The following ARHGEF10L variants were observed in gnomAD, a reference collection of about 807,000 sequenced individuals.
ARHGEF10L encodes rho guanine nucleotide exchange factor 10-like protein.
In ARHGEF10L, 69 loss-of-function variants were observed where a neutral mutation model predicts 141.2. That is an observed-to-expected ratio of 0.49 (90% CI 0.40 to 0.60). The LOEUF is 0.60. Among genes scored for constraint, ARHGEF10L ranks in the 20% least tolerant of loss-of-function variants. The pLI, the probability that ARHGEF10L is intolerant of heterozygous loss-of-function variation, is 0.00. For synonymous variants in ARHGEF10L, 711 were observed against 718.5 expected (o/e 0.99, Z 0.17); for missense variants, 1,482 against 1,734.3 (o/e 0.85, Z 2.58).
At chr1:17,596,666 G>T (rs1426717882) in intron 4 of ARHGEF10L, among the ~76,000 whole-genome samples, 2 of 152,212 alleles carry the variant, frequency 1.3e-5, no homozygotes, top group South Asian at 2.1e-4. Flanking sequence ...ACCCTTGGAG[G>T]TTCACTGAGA....
the ARHGEF10L span, among the ~76,000 whole-genome samples, chr1:17,519,155 A>G: frequency 6.6e-6 from 1 of 152,054 alleles, no homozygotes; most frequent in Non-Finnish European, 1.5e-5. Flanking sequence ...AGCCTGGGCA[A>G]CAAGAGTGAA....
chr1:17,593,817 A>G (rs992472072), intron 4 of ARHGEF10L, among the ~76,000 whole-genome samples: 1 of 151,994 alleles, frequency 6.6e-6, no homozygotes. Context: ...ACAGCCCTGG[A>G]AAGAGGAAAT....
At chr1:17,601,177 G>C (rs1037898744) in intron 4 of ARHGEF10L, among the ~76,000 whole-genome samples, 1 of 152,072 alleles carries the variant, frequency 6.6e-6, no homozygotes, top group Non-Finnish European at 1.5e-5. Context: ...TCTGTGATTA[G>C]ACTGGGGTTA....
intron 1 of ARHGEF10L, among the ~76,000 whole-genome samples, chr1:17,567,758 A>G (rs972251648): frequency 6.6e-6 from 1 of 152,160 alleles, no homozygotes; most frequent in Non-Finnish European, 1.5e-5. Context: ...TGAAGGGTCC[A>G]TGTCTGCAGA....
At chr1:17,678,307 A>G (rs2063851776) in intron 26 of ARHGEF10L, among the ~76,000 whole-genome samples, 1 of 152,196 alleles carries the variant, frequency 6.6e-6, no homozygotes, top group African/African-American at 2.4e-5. Context: ...TGAAGAAAAC[A>G]AAAGGAAATT....
chr1:17,608,122 G>C, intron 7 of ARHGEF10L, 145 bp downstream of exon 7: 3 of 918,188 alleles, frequency 3.3e-6, no homozygotes, highest in Non-Finnish European at 4.4e-6. Context: ...GTGGTGAGAG[G>C]GGAGCCAGAA....
intron 1 of ARHGEF10L, among the ~76,000 whole-genome samples, chr1:17,565,923 G>A (rs1021062530): frequency 6.6e-6 from 1 of 152,116 alleles, no homozygotes; most frequent in East Asian, 1.9e-4. Flanking sequence ...TGCAGATACA[G>A]ACACAAGTAG....
At chr1:17,677,836 C>T (rs1459203484) in intron 26 of ARHGEF10L, among the ~76,000 whole-genome samples, 1 of 152,184 alleles carries the variant, frequency 6.6e-6, no homozygotes, top group Non-Finnish European at 1.5e-5. Context: ...TTTATTGTTT[C>T]TTGCAAATAG....
intron 27 of ARHGEF10L, among the ~76,000 whole-genome samples, chr1:17,692,333 C>T (rs896753131): frequency 6.6e-6 from 1 of 152,060 alleles, no homozygotes; most frequent in Non-Finnish European, 1.5e-5. Flanking sequence ...TTGCCAGACT[C>T]GAATCCCACC....
chr1:17,616,210 G>A lies in ARHGEF10L; in HGVS notation c.835+8G>A, dbSNP rs201664269. 17 of 1,610,424 alleles carry A rather than the reference G, an allele frequency of 1.1e-5. No homozygotes were observed. The highest frequency in any genetic ancestry group is 3.4e-4 in the Middle Eastern group (2 of 5,854). ...ACAGGAAGGACGTCCTCGGTGAGGC[G>A]CTGCCCGAGCGGGAGGGTCTGGTGC... On this transcript the variant is annotated splice_region_variant and intron_variant, in intron 9 of 28. Transcript: ENST00000361221.
the ARHGEF10L span, among the ~76,000 whole-genome samples, chr1:17,525,954 A>T: frequency 6.6e-6 from 1 of 150,804 alleles, no homozygotes; most frequent in African/African-American, 2.4e-5. Flanking sequence ...GTGAGCTGAG[A>T]TCCCACCACT....
At chr1:17,692,364 C>T (rs969378483) in intron 27 of ARHGEF10L, among the ~76,000 whole-genome samples, 5 of 152,176 alleles carry the variant, frequency 3.3e-5, no homozygotes, top group African/African-American at 4.8e-5. Flanking sequence ...TAGCTCCATT[C>T]GGGTGTGTCT....
rs779200970 is a variant in ARHGEF10L, at chr1:17,648,535, C to T, written c.2273-19C>T. On this transcript the variant is annotated intron_variant, in intron 21 of 28. Coordinates refer to ENST00000361221, the MANE Select transcript of ARHGEF10L (RefSeq NM_018125.4). ...TTGGACTCTGACCAGCTCTACCCAC[C>T]TCCTTCCTCTTGCTGTAGGGGAGGA... The T allele has an allele frequency of 6.2e-7, 1 of 1,613,258 alleles. No homozygotes were observed. Among genetic ancestry groups the T allele is most frequent in the East Asian group, 2.2e-5 (1 of 44,868 alleles).
intron 1 of ARHGEF10L, among the ~76,000 whole-genome samples, chr1:17,575,478 T>C (rs954529340): frequency 1.3e-5 from 2 of 152,242 alleles, no homozygotes; most frequent in African/African-American, 4.8e-5. Flanking sequence ...AACAGACAGC[T>C]TAAGCAAAGG....
the ARHGEF10L span, among the ~76,000 whole-genome samples, chr1:17,532,201 A>G: frequency 2.0e-5 from 3 of 152,116 alleles, no homozygotes; most frequent in African/African-American, 7.2e-5. Context: ...CTCTATCTTC[A>G]TGGTAACTTC....
At chr1:17,643,105 T>A (rs1406789347) in intron 21 of ARHGEF10L, among the ~76,000 whole-genome samples, 1 of 152,214 alleles carries the variant, frequency 6.6e-6, no homozygotes, top group Non-Finnish European at 1.5e-5. Flanking sequence ...GCTTGAATAA[T>A]TTGTTTCTTT....
intron 1 of ARHGEF10L, among the ~76,000 whole-genome samples, chr1:17,546,555 G>A (rs1313776336): frequency 3.9e-5 from 6 of 152,106 alleles, no homozygotes; most frequent in East Asian, 3.9e-4. Flanking sequence ...ATTTGAACCC[G>A]GCAGGCCCTG....
intron 1 of ARHGEF10L, among the ~76,000 whole-genome samples, chr1:17,576,084 C>T (rs1162535162): frequency 6.6e-6 from 1 of 152,128 alleles, no homozygotes. Context: ...CTTGCGCAGC[C>T]TTCCAGACTT....
intron 1 of ARHGEF10L, among the ~76,000 whole-genome samples, 168 bp from the exon 2 acceptor site, chr1:17,580,385 C>T: frequency 3.3e-5 from 5 of 152,200 alleles, no homozygotes; most frequent in African/African-American, 1.2e-4. Context: ...GCTGATGTTT[C>T]TATGGGTTAA....
Sources: allele counts gnomAD v4.1 joint callset (sites outside exome capture counted in the v4.1 genomes callset), GRCh38; gene constraint gnomAD v4.1.1; transcripts MANE v1.5; gene names NCBI Gene and HGNC (gene_info 2026-07-23, HGNC 2026-07-21).